The following SH3BP2 variants were observed in gnomAD, a reference collection of about 807,000 sequenced individuals.
The protein encoded by SH3BP2 is SH3 domain binding protein 2.
SH3BP2 carries 38 observed loss-of-function variants against 56.2 expected under a neutral mutation model. The ratio of observed to expected loss-of-function variants is 0.68; its 90% confidence interval spans 0.52 to 0.89. The LOEUF is 0.89. SH3BP2 is among the 40% of genes least tolerant of loss of function. The pLI is 0.00. For synonymous variants in SH3BP2, 346 were observed against 316.7 expected, an observed-to-expected ratio of 1.09 and a Z score of -0.98; for missense variants, 748 against 762.6, an observed-to-expected ratio of 0.98 and a Z score of 0.23.
At position 2,830,083 on chromosome 4, in the gene SH3BP2, C is replaced by A. The variant is rs1254015154; in HGVS notation, c.1177C>A (p.Pro393Thr). 1 of 1,609,906 alleles carries A rather than the reference C, an allele frequency of 6.2e-7. No individual in the cohort carries two copies. The highest frequency in any genetic ancestry group is 1.7e-5 in the Admixed American group (1 of 59,964). Reference sequence around the variant, plus strand: ...GCCTCCTGCGCTGAAGCTGCCAGTGCCTGAGGCCATGGCGCGGCCCGCAGT... The same window carrying A: ...GCCTCCTGCGCTGAAGCTGCCAGTGACTGAGGCCATGGCGCGGCCCGCAGT... ...PRPPALKLPVPEAMARPAVLP... is the reference protein window; with the variant it reads ...PRPPALKLPVTEAMARPAVLP... The change falls in exon 8 of 13, where the codon CCT becomes ACT. Residue 393 changes from proline to threonine, a missense_variant. Physicochemically the swap from Pro to Thr is conservative, Grantham distance 38. Transcript: ENST00000503393.
intron 7 of SH3BP2, among the ~76,000 whole-genome samples, chr4:2,828,194 G>GCCTC (rs1350502198): frequency 6.7e-6 from 1 of 148,946 alleles, no homozygotes; most frequent in Non-Finnish European, 1.5e-5. Context: ...CTCCTCTGTC[G>GCCTC]CCTCCCTCCC....
intron 1 of SH3BP2, among the ~76,000 whole-genome samples, chr4:2,799,528 A>C (rs1232540633): frequency 6.6e-6 from 1 of 152,000 alleles, no homozygotes; most frequent in Non-Finnish European, 1.5e-5. Context: ...GTTGCTGGGG[A>C]AGGAAGAAGA....
intron 1 of SH3BP2, among the ~76,000 whole-genome samples, chr4:2,806,792 C>T (rs947679694): frequency 1.1e-4 from 16 of 152,236 alleles, no homozygotes; most frequent in Non-Finnish European, 7.3e-5. Flanking sequence ...AGAACCTTTC[C>T]TGGGGACAGA....
intron 1 of SH3BP2, among the ~76,000 whole-genome samples, chr4:2,813,593 A>T (rs962519081): frequency 6.6e-6 from 1 of 152,186 alleles, no homozygotes; most frequent in Non-Finnish European, 1.5e-5. Context: ...AGTGGTGGTG[A>T]TGATTCTGTG....
intron 12 of SH3BP2, chr4:2,833,320 C>A: frequency 1.7e-6 from 1 of 582,908 alleles, no homozygotes; most frequent in Non-Finnish European, 3.1e-6. Context: ...TTTCTTTTTG[C>A]GGGGACAGGG....
intron 1 of SH3BP2, among the ~76,000 whole-genome samples, chr4:2,803,429 G>GC (rs1483567822): frequency 6.6e-6 from 1 of 152,238 alleles, no homozygotes; most frequent in Non-Finnish European, 1.5e-5. Flanking sequence ...TGGGCCAAGT[G>GC]CCTATGGCAG....
chr4:2,818,551 G>T (rs183503067), intron 1 of SH3BP2, among the ~76,000 whole-genome samples: 1 of 152,318 alleles, frequency 6.6e-6, no homozygotes, highest in Non-Finnish European at 1.5e-5. Flanking sequence ...GACCGTCCCG[G>T]CGGGCGGATG....
chr4:2,802,404 A>ATGTGTGTGTGTGTGTGTGTGTGTG (rs1175501543), intron 1 of SH3BP2, among the ~76,000 whole-genome samples: 1 of 135,900 alleles, frequency 7.4e-6, no homozygotes, highest in Non-Finnish European at 1.6e-5. Context: ...AAAAAAATAT[A>ATGTGTGTGTGTGTGTGTGTGTGTG]TGTGTGTGTG....
At chr4:2,796,191 C>T (rs950112645) in intron 1 of SH3BP2, among the ~76,000 whole-genome samples, 3 of 152,202 alleles carry the variant, frequency 2.0e-5, no homozygotes, top group Non-Finnish European at 4.4e-5. Flanking sequence ...CTCTGGACCA[C>T]GCTGCTGGAT....
At chr4:2,809,784 C>G in intron 1 of SH3BP2, 1 of 985,756 alleles carries the variant, frequency 1.0e-6, no homozygotes, top group South Asian at 4.7e-5. Context: ...TTCAGGCTGA[C>G]CCTTGGCCCT....
chr4:2,799,908 C>T (rs865911342), intron 1 of SH3BP2, among the ~76,000 whole-genome samples: 5 of 152,110 alleles, frequency 3.3e-5, no homozygotes, highest in South Asian at 2.1e-4. Context: ...AGGTGGGGCC[C>T]GAGGGCCTGG....
chr4:2,797,158 C>T (rs1368794947), intron 1 of SH3BP2, among the ~76,000 whole-genome samples: 4 of 152,160 alleles, frequency 2.6e-5, no homozygotes, highest in Admixed American at 2.0e-4. Context: ...CCATGCCCTG[C>T]AGCCCTGTCC....
chr4:2,832,112 G>A (rs998124168), intron 10 of SH3BP2, 134 bp downstream of exon 10: 6 of 1,038,010 alleles, frequency 5.8e-6, no homozygotes, highest in Non-Finnish European at 8.8e-6. Context: ...GAAACCAGAG[G>A]AGTGGACCTC....
chr4:2,823,128 G>C (rs367677184), intron 3 of SH3BP2, 91 bp downstream of exon 3: 3 of 939,404 alleles, frequency 3.2e-6, no homozygotes, highest in Non-Finnish European at 5.1e-6. Flanking sequence ...CCTTATTCCC[G>C]CCCAAGGAAA....
At chr4:2,811,845 GC>G (rs1442895818) in intron 1 of SH3BP2, 1 of 175,220 alleles carries the variant, frequency 5.7e-6, no homozygotes, top group Non-Finnish European at 1.2e-5. Context: ...CCTCTGTGTG[GC>G]CTCAGATGGC....
Position 2,829,060 on chromosome 4 carries a change from T to C in SH3BP2, c.587-433T>C, listed in dbSNP as rs568871537. 6.6e-6 allele frequency among the ~76,000 whole-genome samples: 1 copy of C among 152,268 alleles called. No individual in the cohort carries two copies. The highest frequency in any genetic ancestry group is 2.1e-4 in the South Asian group (1 of 4,826). On this transcript the variant is annotated intron_variant, in intron 7 of 12. Transcript: ENST00000503393. This position sits in a 1 kb window ranked among gnomAD's most constrained non-coding sequence, Gnocchi z 4.9. ...CCCTGACCCCGCATCCCCTGGCATC[T>C]CCCAGCTTTCTGGATATGTTCTGAG...
At chr4:2,799,660 G>A (rs1723178923) in intron 1 of SH3BP2, among the ~76,000 whole-genome samples, 1 of 152,218 alleles carries the variant, frequency 6.6e-6, no homozygotes, top group African/African-American at 2.4e-5. Flanking sequence ...CTGAGAAGCA[G>A]GGGGGACCCA....
rs1724982946 is a variant in SH3BP2, at chr4:2,831,519, G to A, written c.1242-52G>A. 37 of 1,401,344 alleles carry A rather than the reference G, an allele frequency of 2.6e-5. No homozygotes were observed. Among genetic ancestry groups the A allele is most frequent in the Non-Finnish European group, 3.6e-5 (36 of 1,010,310 alleles). The allele number at this position is 1,401,344 out of a possible 1,614,324, so 86.8% of individuals were successfully genotyped here. ...GTGGGGAGGGGAGCAGAGGGTGGCCGCCCCGTGTCTGACAGTGAAATGGTC... is the reference window on the plus strand; with the variant it reads ...GTGGGGAGGGGAGCAGAGGGTGGCCACCCCGTGTCTGACAGTGAAATGGTC... On this transcript the variant is annotated intron_variant, in intron 8 of 12. Coordinates refer to ENST00000503393, the MANE Select transcript of SH3BP2 (RefSeq NM_001122681.2). The surrounding 1 kb of genome is among the most constrained non-coding windows in gnomAD (Gnocchi z 4.1).
chr4:2,828,658 G>T (rs531638086), intron 7 of SH3BP2, among the ~76,000 whole-genome samples: 1 of 152,326 alleles, frequency 6.6e-6, no homozygotes, highest in South Asian at 2.1e-4. Context: ...GCAGCCCAGT[G>T]AGGCTAGAGA....
Sources: allele counts gnomAD v4.1 joint callset (sites outside exome capture counted in the v4.1 genomes callset), GRCh38; gene constraint gnomAD v4.1.1; non-coding constraint Gnocchi (gnomAD v3.1); transcripts MANE v1.5; gene names NCBI Gene and HGNC (gene_info 2026-07-23, HGNC 2026-07-21).